The following DNAH1 variants were observed in gnomAD, a reference collection of about 807,000 sequenced individuals.
DNAH1 encodes axonemal beta dynein heavy chain 1.
Under a neutral mutation model 484.3 loss-of-function variants are expected in DNAH1, and 327 were observed. The observed-to-expected ratio is 0.68, with a 90% CI of 0.62 to 0.74. DNAH1 has a LOEUF of 0.74. DNAH1 is among the 30% of genes least tolerant of loss of function. The pLI is 0.00. For synonymous variants in DNAH1, 2,192 were observed against 2,191.9 expected, an observed-to-expected ratio of 1.00 and a Z score of 0.00; for missense variants, 5,052 against 5,546.8, an observed-to-expected ratio of 0.91 and a Z score of 2.83.
chr3:52,326,693 C>T (rs369849145), intron 4 of DNAH1, 42 bp from the exon 5 acceptor site: 91 of 1,545,086 alleles, frequency 5.9e-5, no homozygotes, highest in Admixed American at 3.4e-4. Flanking sequence ...CCACCTCACA[C>T]GAGCCAAGCC....
chr3:52,381,906 T>C lies in DNAH1; in HGVS notation c.7805+70T>C. Reference sequence around the variant, plus strand: ...GCTGGTCGGTTTGACTGACCCATGCTTTTGCACAGTGGTAGAGGCCTCGGG... The same window carrying C: ...GCTGGTCGGTTTGACTGACCCATGCCTTTGCACAGTGGTAGAGGCCTCGGG... On this transcript the variant is annotated intron_variant, in intron 49 of 77. Transcript: ENST00000420323. This position sits in a 1 kb window ranked among gnomAD's most constrained non-coding sequence, Gnocchi z 4.1. 2.7e-6 allele frequency: 4 copies of C among 1,489,348 alleles called. No homozygotes were observed. The highest frequency in any genetic ancestry group is 3.6e-6 in the Non-Finnish European group (4 of 1,110,456). 92.3% of individuals were successfully genotyped at this position (1,489,348 alleles called of 1,614,324 possible).
chr3:52,325,012 A>G (rs1307824418), intron 3 of DNAH1, among the ~76,000 whole-genome samples: 1 of 152,064 alleles, frequency 6.6e-6, no homozygotes, highest in African/African-American at 2.4e-5. Flanking sequence ...CTTCTTGGCC[A>G]CTGAGTGGGT....
intron 75 of DNAH1, 116 bp from the exon 76 acceptor site, chr3:52,398,731 TCTG>T: frequency 1.1e-6 from 1 of 878,132 alleles, no homozygotes; most frequent in Non-Finnish European, 1.7e-6. Flanking sequence ...GACCCAGCTC[TCTG>T]CTCTTAGCCT....
In DNAH1 at chr3:52,370,543, T is replaced by C. The variant is rs776823999; in HGVS notation, c.6325T>C (p.Phe2109Leu). ...AGAGTTGATCGAGCCCTGGTTCATCTTCTCCCTGATCTGGAGCGTGGGTGC... is the reference window on the plus strand; with the variant it reads ...AGAGTTGATCGAGCCCTGGTTCATCCTCTCCCTGATCTGGAGCGTGGGTGC... ...IVELIEPWFIFSLIWSVGATG... is the reference protein window; with the variant it reads ...IVELIEPWFILSLIWSVGATG... Residue 2109 changes from phenylalanine to leucine, a missense_variant, in exon 40 of 78, where the codon TTC becomes CTC. Coordinates refer to ENST00000420323, the MANE Select transcript of DNAH1 (RefSeq NM_015512.5). 5.0e-6 allele frequency: 8 copies of C among 1,613,872 alleles called. No homozygotes were observed. The Admixed American group carries it at 1.0e-4, about 20-fold the overall frequency.
intron 41 of DNAH1, 27 bp downstream of exon 41, chr3:52,370,852 G>C: frequency 6.4e-7 from 1 of 1,562,918 alleles, no homozygotes; most frequent in Non-Finnish European, 8.7e-7. Flanking sequence ...CCCAGAGACT[G>C]CACAGGGAGG....
At chr3:52,378,352 G>C (rs1288163405) in intron 46 of DNAH1, among the ~76,000 whole-genome samples, 3 of 151,590 alleles carry the variant, frequency 2.0e-5, no homozygotes, top group Non-Finnish European at 2.9e-5. Flanking sequence ...CCAGTTCCAT[G>C]ATGAGTCCCA....
chr3:52,332,481 A>G (rs1317127719), intron 8 of DNAH1, 87 bp downstream of exon 8: 1 of 1,541,420 alleles, frequency 6.5e-7, no homozygotes, highest in Non-Finnish European at 8.7e-7. Context: ...TCCAGGGTGG[A>G]GCTCCCTCAG....
chr3:52,375,489 G>T, intron 45 of DNAH1, 76 bp downstream of exon 45: 4 of 1,526,586 alleles, frequency 2.6e-6, no homozygotes, highest in Non-Finnish European at 3.5e-6. Context: ...ACAACTGGGT[G>T]GCCACCAGAA....
At position 52,368,242 on chromosome 3, in the gene DNAH1, C is replaced by T. The variant is rs1451227564; in HGVS notation, c.5766-499C>T. Among the ~76,000 whole-genome samples the T allele has an allele frequency of 3.3e-5, 5 of 152,260 alleles. No individual in the cohort carries two copies. In the South Asian group the frequency reaches 6.2e-4, roughly 19 times the overall value. On this transcript the variant is annotated intron_variant, in intron 36 of 77. Transcript: ENST00000420323. The surrounding 1 kb of genome is among the most constrained non-coding windows in gnomAD (Gnocchi z 4.4). ...TTACTGAAACTGGATTTTACAAGGA[C>T]GTGCATATATGGGCACCTAGGAGAA...
intron 44 of DNAH1, chr3:52,373,848 C>A (rs1008801805): frequency 7.1e-7 from 1 of 1,410,200 alleles, no homozygotes; most frequent in Admixed American, 1.7e-5. Context: ...AGAAGTAGTC[C>A]ATATGTTTGC....
In DNAH1 at chr3:52,392,785, TACCTTCTGCTCTTTGACCCCTCCCCCC is replaced by T; in HGVS notation, c.10279-41_10279-15del. On this transcript the variant is annotated intron_variant, in intron 64 of 77. Coordinates refer to ENST00000420323, the MANE Select transcript of DNAH1 (RefSeq NM_015512.5). ...CCCTAGGCCTGCCCCCCAAACCCCCTACCTTCTGCTCTTTGACCCCTCCCCCCACCCACTACACCCACAGGCCAAAGT... is the reference window on the plus strand; with the variant it reads ...CCCTAGGCCTGCCCCCCAAACCCCCTACCCACTACACCCACAGGCCAAAGT... 1.5e-6 allele frequency: 1 copy of T among 681,592 alleles called. No homozygotes were observed. The highest frequency in any genetic ancestry group is 2.1e-6 in the Non-Finnish European group (1 of 475,950). 42.2% of individuals were successfully genotyped at this position (681,592 alleles called of 1,614,324 possible).
chr3:52,382,598 G>A, intron 50 of DNAH1, 143 bp downstream of exon 50: 1 of 1,335,078 alleles, frequency 7.5e-7, no homozygotes, highest in South Asian at 1.4e-5. Flanking sequence ...GACCAGGTGG[G>A]GCCACAGATG....
Position 52,357,881 on chromosome 3 carries a change from C to T in DNAH1, c.3981-17C>T, listed in dbSNP as rs779191240. 5 of 1,610,088 alleles carry T rather than the reference C, an allele frequency of 3.1e-6. No individual in the cohort carries two copies. Among genetic ancestry groups the T allele is most frequent in the South Asian group, 2.2e-5 (2 of 90,604 alleles). On this transcript the variant is annotated splice_polypyrimidine_tract_variant and intron_variant, in intron 23 of 77. Coordinates refer to ENST00000420323, the MANE Select transcript of DNAH1 (RefSeq NM_015512.5). ...GAGCCTGCACGACCCGCTTCCTCACCCCTGTTCCCCTGGCAGATTCTACTT... is the reference window on the plus strand; with the variant it reads ...GAGCCTGCACGACCCGCTTCCTCACTCCTGTTCCCCTGGCAGATTCTACTT...
At position 52,370,048 on chromosome 3, in the gene DNAH1, C is replaced by G. The variant is rs759181218; in HGVS notation, c.6138+29C>G. The G allele has an allele frequency of 2.9e-5, 46 of 1,613,326 alleles. 1 individual carries two copies. The highest frequency in any genetic ancestry group is 3.7e-5 in the Non-Finnish European group (44 of 1,179,486). On this transcript the variant is annotated intron_variant, in intron 38 of 77. Coordinates refer to ENST00000420323, the MANE Select transcript of DNAH1 (RefSeq NM_015512.5). ...AGTGAGGCCACGGGTATGTCTGACCCTGGCAGGGCAGCAGGGCACTGTGGC... is the reference window on the plus strand; with the variant it reads ...AGTGAGGCCACGGGTATGTCTGACCGTGGCAGGGCAGCAGGGCACTGTGGC...
chr3:52,357,575 G>A, intron 22 of DNAH1, 39 bp from the exon 23 acceptor site: 1 of 1,585,072 alleles, frequency 6.3e-7, no homozygotes, highest in Non-Finnish European at 8.6e-7. Context: ...CCTGGACCAT[G>A]CTCACTGCCC....
In DNAH1 at chr3:52,362,348, G is replaced by A; in HGVS notation, c.4981-40G>A. On this transcript the variant is annotated intron_variant, in intron 30 of 77. Coordinates refer to ENST00000420323, the MANE Select transcript of DNAH1 (RefSeq NM_015512.5). The surrounding 1 kb of genome is among the most constrained non-coding windows in gnomAD (Gnocchi z 5.1). Reference sequence around the variant, plus strand: ...CACTCAGAGGAGGGGACAAGGCTGGGCACCCTAGTCCCAGGCAAGTCAGCC... The same window carrying A: ...CACTCAGAGGAGGGGACAAGGCTGGACACCCTAGTCCCAGGCAAGTCAGCC... 2 of 1,561,294 alleles carry A rather than the reference G, an allele frequency of 1.3e-6. No homozygotes were observed. The highest frequency in any genetic ancestry group is 1.1e-5 in the South Asian group (1 of 87,714).
intron 44 of DNAH1, among the ~76,000 whole-genome samples, 180 bp from the exon 45 acceptor site, chr3:52,375,060 A>G (rs1330009373): frequency 6.6e-6 from 1 of 152,122 alleles, no homozygotes; most frequent in African/African-American, 2.4e-5. Flanking sequence ...AAAAAAGTTA[A>G]AGGAGAGGAG....
chr3:52,356,807 C>T (rs1396068905), intron 22 of DNAH1, 29 bp downstream of exon 22: 1 of 1,571,444 alleles, frequency 6.4e-7, no homozygotes, highest in South Asian at 1.2e-5. Flanking sequence ...GGAGGGGCAG[C>T]TGGGATCCCC....
chr3:52,362,210 G>A lies in DNAH1; in HGVS notation c.4981-178G>A, dbSNP rs1365993835. 6.6e-6 allele frequency among the ~76,000 whole-genome samples: 1 copy of A among 152,172 alleles called. No individual in the cohort carries two copies. The highest frequency in any genetic ancestry group is 1.5e-5 in the Non-Finnish European group (1 of 68,024). On this transcript the variant is annotated intron_variant, in intron 30 of 77. Transcript: ENST00000420323. This position sits in a 1 kb window ranked among gnomAD's most constrained non-coding sequence, Gnocchi z 5.1. ...GCTGGAAGGCCATGGGTAGCCACTG[G>A]GGCCTGAGGTTTCAGGCCAGATCCT...
Sources: allele counts gnomAD v4.1 joint callset (sites outside exome capture counted in the v4.1 genomes callset), GRCh38; gene constraint gnomAD v4.1.1; non-coding constraint Gnocchi (gnomAD v3.1); transcripts MANE v1.5; gene names NCBI Gene and HGNC (gene_info 2026-07-23, HGNC 2026-07-21).